Variants in HIVEP3 observed in about 807,000 individuals in gnomAD.
HIVEP3 encodes the protein transcription factor HIVEP3.
HIVEP3 carries 49 observed loss-of-function variants against 152.8 expected under a neutral mutation model. The observed-to-expected ratio is 0.32, with a 90% CI of 0.26 to 0.41. The LOEUF (loss-of-function observed/expected upper bound fraction) is 0.41, where lower values mean the gene tolerates loss of function less well. Among genes scored for constraint, HIVEP3 ranks in the 10% least tolerant of loss-of-function variants. The pLI, the probability that HIVEP3 is intolerant of heterozygous loss-of-function variation, is 1.00. For synonymous variants in HIVEP3, 1,269 were observed against 1,289.0 expected (o/e 0.98, Z 0.33); for missense variants, 2,790 against 3,103.3 (o/e 0.90, Z 2.40).
chr1:41,727,620 C>A (rs1646776425), intron 1 of HIVEP3, among the ~76,000 whole-genome samples: 1 of 152,266 alleles, frequency 6.6e-6, no homozygotes, highest in African/African-American at 2.4e-5. Flanking sequence ...GAATCCCCCG[C>A]AGACCGGTGT....
At chr1:41,597,199 GTA>G (rs1316401299) in intron 3 of HIVEP3, among the ~76,000 whole-genome samples, 1 of 152,146 alleles carries the variant, frequency 6.6e-6, no homozygotes, top group African/African-American at 2.4e-5. Context: ...GACCCGGCTG[GTA>G]TTTGTCTTCC....
intron 1 of HIVEP3, among the ~76,000 whole-genome samples, chr1:41,817,152 C>T (rs568937387): frequency 1.5e-4 from 23 of 152,274 alleles, no homozygotes; most frequent in African/African-American, 5.5e-4. Flanking sequence ...TTGAGGAGCC[C>T]GCTGCTGGCT....
At chr1:41,563,168 G>A (rs1445121723) in intron 5 of HIVEP3, among the ~76,000 whole-genome samples, 1 of 151,930 alleles carries the variant, frequency 6.6e-6, no homozygotes, top group Non-Finnish European at 1.5e-5. Flanking sequence ...CCAACATGGC[G>A]AAATCCCATC....
chr1:41,638,408 A>T (rs1195181022), intron 2 of HIVEP3, among the ~76,000 whole-genome samples: 1 of 151,034 alleles, frequency 6.6e-6, no homozygotes, highest in African/African-American at 2.4e-5. Flanking sequence ...GAAAGAAAGG[A>T]AGGAAGTAAG....
At chr1:42,005,768 A>G (rs1185188569) in intron 1 of HIVEP3, among the ~76,000 whole-genome samples, 1 of 152,238 alleles carries the variant, frequency 6.6e-6, no homozygotes, top group Non-Finnish European at 1.5e-5. Context: ...TCATCTGACA[A>G]TACTTTCTTT....
chr1:42,004,730 A>AAGC (rs1348142581), intron 1 of HIVEP3, among the ~76,000 whole-genome samples: 1 of 152,204 alleles, frequency 6.6e-6, no homozygotes, highest in Non-Finnish European at 1.5e-5. Context: ...ATGGTAACCA[A>AAGC]AGCAGCAGCA....
At chr1:41,613,825 C>G (rs1316196860) in intron 3 of HIVEP3, among the ~76,000 whole-genome samples, 1 of 152,232 alleles carries the variant, frequency 6.6e-6, no homozygotes, top group Non-Finnish European at 1.5e-5. Flanking sequence ...TCCCTTCCCT[C>G]CAGCCCCTGG....
chr1:41,864,737 G>T (rs933577583), intron 1 of HIVEP3: 3 of 152,206 alleles, frequency 2.0e-5, no homozygotes, highest in Non-Finnish European at 4.4e-5. Context: ...GAAACACTCT[G>T]GATAAGAAAG....
At chr1:41,769,963 T>C (rs180868981) in intron 1 of HIVEP3, among the ~76,000 whole-genome samples, 1 of 152,082 alleles carries the variant, frequency 6.6e-6, no homozygotes, top group Non-Finnish European at 1.5e-5. Context: ...AATTGTTTTT[T>C]GTTTGTTTGT....
intron 1 of HIVEP3, among the ~76,000 whole-genome samples, chr1:41,964,987 C>T (rs1433778460): frequency 6.6e-6 from 1 of 152,184 alleles, no homozygotes; most frequent in Non-Finnish European, 1.5e-5. Flanking sequence ...ACAGGGGTCA[C>T]CAGACATCTT....
intron 1 of HIVEP3, among the ~76,000 whole-genome samples, chr1:41,914,748 T>C (rs1369068026): frequency 1.3e-5 from 2 of 152,148 alleles, no homozygotes; most frequent in Non-Finnish European, 2.9e-5. Flanking sequence ...CGGGTAGTGG[T>C]AAGTCTACAT....
At chr1:41,574,456 C>T (rs1473257879) in intron 5 of HIVEP3, among the ~76,000 whole-genome samples, 7 of 152,142 alleles carry the variant, frequency 4.6e-5, no homozygotes, top group Admixed American at 3.9e-4. Flanking sequence ...TACCCTGCTG[C>T]CCACATTTCC....
chr1:41,783,354 T>C (rs151162540), intron 1 of HIVEP3, among the ~76,000 whole-genome samples: 1 of 152,258 alleles, frequency 6.6e-6, no homozygotes, highest in Non-Finnish European at 1.5e-5. Flanking sequence ...ATTAAAGAGA[T>C]GAATCACACA....
At chr1:41,688,457 C>T (rs967192155) in intron 2 of HIVEP3, among the ~76,000 whole-genome samples, 4 of 152,248 alleles carry the variant, frequency 2.6e-5, no homozygotes, top group Non-Finnish European at 4.4e-5. Flanking sequence ...CGGTCCCTCC[C>T]CAGCCCTCTT....
At chr1:41,806,055 G>A (rs533724433) in intron 1 of HIVEP3, among the ~76,000 whole-genome samples, 1 of 152,270 alleles carries the variant, frequency 6.6e-6, no homozygotes, top group East Asian at 1.9e-4. Context: ...AGGCACAGAA[G>A]GGATCTTCAA....
At chr1:41,634,718 T>C (rs370557244) in intron 2 of HIVEP3, among the ~76,000 whole-genome samples, 28 of 152,116 alleles carry the variant, frequency 1.8e-4, no homozygotes, top group African/African-American at 6.3e-4. Context: ...TCAGACAAAA[T>C]GCAAAAATGT....
chr1:41,998,650 T>C (rs1645408709), intron 1 of HIVEP3, among the ~76,000 whole-genome samples: 1 of 152,084 alleles, frequency 6.6e-6, no homozygotes, highest in South Asian at 2.1e-4. Context: ...CCAAAGCCAA[T>C]TGTTGAAAAT....
rs554844874 is a variant in HIVEP3 at position 41,510,721 on chromosome 1, C to T, written c.6951G>A (p.Arg2317=). ...GCGCTGCCCGGCGTCCCTGGGGCGG[C>T]CGGGGCAAGGTGTCGGGTGGGGTGC... ...SPCTPPDTLP[R]PPQGRRAAQS... is the part of the protein sequence containing the mutation. Residue 2317 remains arginine (R), a synonymous_variant, in exon 9 of 9, where the codon CGG becomes CGA. Coordinates refer to ENST00000372583, the MANE Select transcript of HIVEP3 (RefSeq NM_024503.5). The T allele has an allele frequency of 3.0e-5, 46 of 1,538,172 alleles. 1 individual carries two copies. The Admixed American group carries it at 6.6e-4, about 22-fold the overall frequency.
chr1:42,030,961 C>T (rs1645609415), intron 1 of HIVEP3, among the ~76,000 whole-genome samples: 1 of 152,124 alleles, frequency 6.6e-6, no homozygotes, highest in Non-Finnish European at 1.5e-5. Context: ...GAAAACAAAA[C>T]CAAGTGTTCT....
Sources: gnomAD v4.1 joint callset for allele counts (sites outside exome capture counted in the v4.1 genomes callset) on GRCh38, gnomAD v4.1.1 for gene constraint, MANE v1.5 for transcripts, NCBI Gene and HGNC (gene_info 2026-07-23, HGNC 2026-07-21) for gene names.